KIAA1217: variants seen among roughly 807,000 people sequenced by gnomAD.
The protein encoded by KIAA1217 is sickle tail protein homolog.
In KIAA1217, 88 loss-of-function variants were observed where a neutral mutation model predicts 163.9. That is an observed-to-expected ratio of 0.54 (90% CI 0.45 to 0.64). KIAA1217 has a LOEUF of 0.64. Ranked by LOEUF, KIAA1217 falls within the 30% of genes least tolerant of loss-of-function variation. KIAA1217 has a pLI of 0.00. For missense variants in KIAA1217, 2,372 were observed against 2,475.0 expected (o/e 0.96, Z 0.88); for synonymous variants, 903 against 923.1 (o/e 0.98, Z 0.39).
At chr10:24,082,061 T>C (rs2061554510) in intron 2 of KIAA1217, among the ~76,000 whole-genome samples, 1 of 152,158 alleles carries the variant, frequency 6.6e-6, no homozygotes, top group South Asian at 2.1e-4. Context: ...TAAGGGAAGA[T>C]GAAAAGATGC....
intron 2 of KIAA1217, among the ~76,000 whole-genome samples, chr10:24,099,331 C>A (rs1265947840): frequency 2.0e-5 from 3 of 150,814 alleles, no homozygotes; most frequent in Non-Finnish European, 4.4e-5. Flanking sequence ...CTATCCCTCC[C>A]CCATTCCCCT....
intron 6 of KIAA1217, among the ~76,000 whole-genome samples, chr10:24,476,294 A>C (rs2064033562): frequency 1.3e-5 from 2 of 152,240 alleles, no homozygotes; most frequent in South Asian, 2.1e-4. Flanking sequence ...AGTTATGGAG[A>C]GAATAAAACA....
rs564775000 is a variant in KIAA1217 at position 24,441,903 on chromosome 10, A to G, written c.846+3424A>G. ...TTTTTCCATACCAGCAGTTTGTTGA[A>G]GGAACTGGACAATTCTGCTTTGAGG... On this transcript the variant is annotated intron_variant, in intron 5 of 20. Transcript: ENST00000376454. Among the ~76,000 whole-genome samples, 3 of 152,286 alleles carry G rather than the reference A, an allele frequency of 2.0e-5. No individual in the cohort carries two copies. In the East Asian group the frequency reaches 5.8e-4, roughly 29 times the overall value.
At chr10:23,903,820 C>G (rs907455612) in intron 1 of KIAA1217, among the ~76,000 whole-genome samples, 1 of 152,100 alleles carries the variant, frequency 6.6e-6, no homozygotes, top group Non-Finnish European at 1.5e-5. Flanking sequence ...TCATCACTTT[C>G]TAGCCCTGGC....
chr10:23,728,699 G>T (rs958805546), intron 1 of KIAA1217, among the ~76,000 whole-genome samples: 2 of 152,088 alleles, frequency 1.3e-5, no homozygotes, highest in Non-Finnish European at 2.9e-5. Flanking sequence ...CAGGACATAG[G>T]CATGGGCAAA....
intron 1 of KIAA1217, among the ~76,000 whole-genome samples, chr10:23,801,672 G>A (rs778673792): frequency 5.3e-5 from 8 of 152,102 alleles, no homozygotes; most frequent in African/African-American, 1.2e-4. Context: ...AGATTGTCTC[G>A]TTTACTCTGC....
At chr10:24,159,562 G>A (rs1027176880) in intron 2 of KIAA1217, among the ~76,000 whole-genome samples, 2 of 151,840 alleles carry the variant, frequency 1.3e-5, no homozygotes, top group African/African-American at 4.8e-5. Flanking sequence ...GGCGGATCAC[G>A]AGGTCAGGAG....
Position 24,546,463 on chromosome 10 carries a change from T to G in KIAA1217, c.*139T>G. 1.1e-6 allele frequency: 1 copy of G among 936,686 alleles called. No homozygotes were observed. Among genetic ancestry groups the G allele is most frequent in the Non-Finnish European group, 1.6e-6 (1 of 641,342 alleles). The allele number at this position is 936,686 out of a possible 1,614,324, so 58.0% of individuals were successfully genotyped here. On this transcript the variant is annotated 3_prime_UTR_variant, in exon 21 of 21. Coordinates refer to ENST00000376454, the MANE Select transcript of KIAA1217 (RefSeq NM_019590.5). ...GCTAAATATGTGCTAAATACTGGAT[T>G]AATAGATTTCAGTAAAGCTCGTTCG...
intron 1 of KIAA1217, among the ~76,000 whole-genome samples, chr10:23,851,245 T>C (rs1839300424): frequency 6.6e-6 from 1 of 152,088 alleles, no homozygotes; most frequent in African/African-American, 2.4e-5. Flanking sequence ...TTCCCACCTA[T>C]GAGTGAGAAC....
intron 1 of KIAA1217, among the ~76,000 whole-genome samples, chr10:23,729,361 A>G (rs1482117443): frequency 6.6e-6 from 1 of 152,202 alleles, no homozygotes; most frequent in Non-Finnish European, 1.5e-5. Flanking sequence ...TTTGTTTTAT[A>G]AGAAAGTGCC....
chr10:23,743,087 G>A (rs1363438753), intron 1 of KIAA1217, among the ~76,000 whole-genome samples: 1 of 152,118 alleles, frequency 6.6e-6, no homozygotes, highest in African/African-American at 2.4e-5. Context: ...TGGGGCAGGG[G>A]AGAAAAACAC....
At chr10:24,046,117 T>A (rs527266266) in intron 2 of KIAA1217, among the ~76,000 whole-genome samples, 1 of 150,872 alleles carries the variant, frequency 6.6e-6, no homozygotes, top group South Asian at 2.1e-4. Flanking sequence ...TTATTTATTT[T>A]AGTTATGTTT....
At chr10:23,927,362 C>A (rs1033253542) in intron 1 of KIAA1217, among the ~76,000 whole-genome samples, 2 of 108,444 alleles carry the variant, frequency 1.8e-5, no homozygotes, top group African/African-American at 1.0e-4. Flanking sequence ...GTGTGTGTGG[C>A]CAAATGTTTT....
intron 1 of KIAA1217, among the ~76,000 whole-genome samples, chr10:23,881,525 T>C (rs1840948196): frequency 6.6e-6 from 1 of 151,988 alleles, no homozygotes; most frequent in South Asian, 2.1e-4. Flanking sequence ...TTAATTGTGC[T>C]AAATTGCTGA....
chr10:24,292,529 G>C (rs1257648439), intron 2 of KIAA1217, among the ~76,000 whole-genome samples: 4 of 152,238 alleles, frequency 2.6e-5, no homozygotes, highest in African/African-American at 9.6e-5. Context: ...AGGCCATGAG[G>C]GTTCTTACAT....
chr10:24,352,047 G>A (rs940001965), intron 2 of KIAA1217, among the ~76,000 whole-genome samples: 7 of 152,222 alleles, frequency 4.6e-5, no homozygotes, highest in African/African-American at 1.7e-4. Context: ...TTCTGGCTGG[G>A]CTGTTTTTCC....
intron 5 of KIAA1217, among the ~76,000 whole-genome samples, chr10:24,451,826 C>T (rs2061397193): frequency 6.6e-6 from 1 of 152,166 alleles, no homozygotes; most frequent in African/African-American, 2.4e-5. Context: ...GACATATGTC[C>T]TTTCATTTTC....
At chr10:23,854,699 T>C (rs1409685846) in intron 1 of KIAA1217, among the ~76,000 whole-genome samples, 1 of 152,206 alleles carries the variant, frequency 6.6e-6, no homozygotes, top group African/African-American at 2.4e-5. Flanking sequence ...TGAGTGCTCT[T>C]GTATTGGGTG....
Position 23,870,789 on chromosome 10 carries a change from C to T in KIAA1217, c.-320-136436C>T, listed in dbSNP as rs150792983. ...GTCTGGCTACAAAATCAAGGCTCTCCCTCAGTCTTCTCTGCTATGTCATCA... is the reference window on the plus strand; with the variant it reads ...GTCTGGCTACAAAATCAAGGCTCTCTCTCAGTCTTCTCTGCTATGTCATCA... On this transcript the variant is annotated intron_variant, in intron 1 of 18. Transcript: ENST00000376462. 5.1e-4 allele frequency among the ~76,000 whole-genome samples: 77 copies of T among 152,200 alleles called. 1 individual carries two copies. Among genetic ancestry groups the T allele is most frequent in the African/African-American group, 1.8e-3 (74 of 41,544 alleles).
Sources: allele counts gnomAD v4.1 joint callset (sites outside exome capture counted in the v4.1 genomes callset), GRCh38; gene constraint gnomAD v4.1.1; transcripts MANE v1.5; gene names NCBI Gene and HGNC (gene_info 2026-07-23, HGNC 2026-07-21).